CCDC148: variants seen among roughly 807,000 people sequenced by gnomAD.
CCDC148 encodes coiled-coil domain containing 148.
Under a neutral mutation model 85.7 loss-of-function variants are expected in CCDC148, and 89 were observed. The ratio of observed to expected loss-of-function variants is 1.04; its 90% CI spans 0.87 to 1.24. The LOEUF is 1.24. Among genes scored for constraint, CCDC148 ranks in the 50% most tolerant of loss-of-function variants. The pLI, the probability that CCDC148 is intolerant of heterozygous loss-of-function variation, is 0.00. For missense variants in CCDC148, 692 were observed against 671.7 expected (o/e 1.03, Z -0.33); for synonymous variants, 230 against 213.9 (o/e 1.08, Z -0.66).
At chr2:158,405,047 C>T (rs981466364) in intron 1 of CCDC148, among the ~76,000 whole-genome samples, 2 of 152,052 alleles carry the variant, frequency 1.3e-5, no homozygotes, top group African/African-American at 2.4e-5. Context: ...TTTTACACAT[C>T]ACCTGTTTTT....
intron 10 of CCDC148, among the ~76,000 whole-genome samples, chr2:158,226,649 A>T (rs2105308341): frequency 6.6e-6 from 1 of 152,358 alleles, no homozygotes; most frequent in Non-Finnish European, 1.5e-5. Flanking sequence ...GGCTGGTTCA[A>T]CATACGCAAA....
At chr2:158,330,523 A>G (rs1018515778) in intron 7 of CCDC148, among the ~76,000 whole-genome samples, 1 of 152,206 alleles carries the variant, frequency 6.6e-6, no homozygotes, top group Admixed American at 6.5e-5. Context: ...CTGGCCTCAT[A>G]GAATGAGTTA....
chr2:158,301,614 G>A (rs1428262295), intron 9 of CCDC148, among the ~76,000 whole-genome samples: 1 of 152,218 alleles, frequency 6.6e-6, no homozygotes, highest in Non-Finnish European at 1.5e-5. Flanking sequence ...CAGAAAACTG[G>A]AAGGCTCCAG....
intron 9 of CCDC148, among the ~76,000 whole-genome samples, chr2:158,278,861 T>G (rs1170968708): frequency 2.0e-5 from 3 of 152,206 alleles, no homozygotes; most frequent in African/African-American, 7.2e-5. Flanking sequence ...CTGAGCAGCC[T>G]AACTGGGAGG....
At chr2:158,297,246 C>A (rs1344096470) in intron 9 of CCDC148, among the ~76,000 whole-genome samples, 1 of 152,134 alleles carries the variant, frequency 6.6e-6, no homozygotes, top group Non-Finnish European at 1.5e-5. Context: ...GTGTGGAGAT[C>A]CCTAATGCTC....
intron 11 of CCDC148, among the ~76,000 whole-genome samples, chr2:158,204,433 G>A (rs1185396621): frequency 6.6e-6 from 1 of 152,124 alleles, no homozygotes; most frequent in African/African-American, 2.4e-5. Context: ...AAAGCTATAA[G>A]GCTTCTGCCT....
chr2:158,276,665 A>T (rs1689961852), intron 9 of CCDC148, among the ~76,000 whole-genome samples: 1 of 152,114 alleles, frequency 6.6e-6, no homozygotes, highest in Admixed American at 6.5e-5. Context: ...GTGAGCTGAA[A>T]CTCCATTCAG....
At chr2:158,239,567 T>G (rs199714536) in intron 10 of CCDC148, among the ~76,000 whole-genome samples, 243 of 151,744 alleles carry the variant, frequency 1.6e-3, no homozygotes, top group Non-Finnish European at 2.3e-3. Flanking sequence ...AGAAGGTTAA[T>G]TTAATTTAAA....
chr2:158,197,979 T>C (rs1282576550), intron 11 of CCDC148, among the ~76,000 whole-genome samples: 1 of 152,182 alleles, frequency 6.6e-6, no homozygotes, highest in Non-Finnish European at 1.5e-5. Flanking sequence ...AGCTCTACAA[T>C]ATTTAAGGCT....
intron 13 of CCDC148, among the ~76,000 whole-genome samples, 168 bp from the exon 14 acceptor site, chr2:158,172,427 A>T (rs934742470): frequency 1.3e-5 from 2 of 152,018 alleles, no homozygotes; most frequent in Non-Finnish European, 2.9e-5. Context: ...AACCTTTTTG[A>T]CATTATCACT....
In CCDC148 at chr2:158,181,902, C is replaced by A. The variant is rs368212152; in HGVS notation, c.1371-2906G>T. 4.0e-5 allele frequency among the ~76,000 whole-genome samples: 6 copies of A among 150,080 alleles called. No homozygotes were observed. The South Asian group carries it at 1.3e-3, about 32-fold the overall frequency. On this transcript the variant is annotated intron_variant, in intron 11 of 13. Transcript: ENST00000283233. Reference sequence around the variant, plus strand: ...GTTGGGAGGCAAGACTAGAGATGAGCAATCCAGATGGGAATGGAAGGCCTC... The same window carrying A: ...GTTGGGAGGCAAGACTAGAGATGAGAAATCCAGATGGGAATGGAAGGCCTC...
chr2:158,220,656 G>T lies in CCDC148; in HGVS notation c.1309C>A (p.Leu437Ile), dbSNP rs749668216. Residue 437 changes from leucine to isoleucine, a missense_variant, in exon 11 of 14, where the codon CTT (leucine) becomes ATT (isoleucine). By Grantham distance (5) the Leu-to-Ile change is conservative. Coordinates refer to ENST00000283233, the MANE Select transcript of CCDC148 (RefSeq NM_138803.4). Reference sequence around the variant, plus strand: ...TTCTTCAGTTCTTCTAGACGCTGAAGATCTCTCATTTCCATTTCTTGCCAC... The same window carrying T: ...TTCTTCAGTTCTTCTAGACGCTGAATATCTCTCATTTCCATTTCTTGCCAC... ...QKWQEMEMRDLQRLEELKKLI... is the reference protein window; with the variant it reads ...QKWQEMEMRDIQRLEELKKLI... 17 of 1,597,686 alleles carry T rather than the reference G, an allele frequency of 1.1e-5. No individual in the cohort carries two copies. Among genetic ancestry groups the T allele is most frequent in the Non-Finnish European group, 1.4e-5 (17 of 1,176,214 alleles).
chr2:158,247,631 C>T (rs1189018907), intron 10 of CCDC148, among the ~76,000 whole-genome samples: 2 of 151,952 alleles, frequency 1.3e-5, no homozygotes, highest in Non-Finnish European at 2.9e-5. Flanking sequence ...CTGAGGCGGG[C>T]GGATCATCTG....
intron 3 of CCDC148, among the ~76,000 whole-genome samples, chr2:158,341,136 G>A (rs1464156892): frequency 3.9e-5 from 6 of 152,104 alleles, no homozygotes; most frequent in Admixed American, 3.9e-4. Context: ...TACAGAGGTA[G>A]AAGTATACTT....
chr2:158,279,893 A>T (rs201592623), intron 9 of CCDC148, among the ~76,000 whole-genome samples: 59,505 of 148,334 alleles, frequency 0.4, 12,661 homozygotes, highest in South Asian at 0.6. Flanking sequence ...CGGGTTACCG[A>T]CAAAGGGAAA....
At chr2:158,215,427 C>T (rs975417547) in intron 11 of CCDC148, among the ~76,000 whole-genome samples, 3 of 152,158 alleles carry the variant, frequency 2.0e-5, no homozygotes, top group Admixed American at 2.0e-4. Flanking sequence ...CCAGCTTTGC[C>T]TCTGCTTGTC....
intron 2 of CCDC148, among the ~76,000 whole-genome samples, chr2:158,354,716 T>A (rs1388599175): frequency 6.6e-6 from 1 of 151,616 alleles, no homozygotes. Context: ...GAATCCTCCC[T>A]AACTCATTTT....
intron 9 of CCDC148, among the ~76,000 whole-genome samples, chr2:158,305,791 C>A (rs1426704409): frequency 6.6e-6 from 1 of 150,526 alleles, no homozygotes; most frequent in African/African-American, 2.4e-5. Flanking sequence ...GAGGGACACC[C>A]TCTGAGGCAC....
intron 1 of CCDC148, among the ~76,000 whole-genome samples, chr2:158,397,490 A>G (rs541421981): frequency 1.3e-5 from 2 of 152,296 alleles, no homozygotes; most frequent in Admixed American, 1.3e-4. Flanking sequence ...CCTTAAAGAA[A>G]AGAATTTTCA....
Sources: allele counts gnomAD v4.1 joint callset (sites outside exome capture counted in the v4.1 genomes callset), GRCh38; gene constraint gnomAD v4.1.1; transcripts MANE v1.5; gene names NCBI Gene and HGNC (gene_info 2026-07-23, HGNC 2026-07-21).